Variants in FBXL18 observed in about 807,000 individuals in gnomAD.
The protein encoded by FBXL18 is F-box and leucine rich repeat protein 18, also known as F-box/LRR-repeat protein 18.
In FBXL18, 36 loss-of-function variants were observed where a neutral mutation model predicts 46.0. That is an observed-to-expected ratio of 0.78 (90% CI 0.60 to 1.03). The LOEUF is 1.03. Among genes scored for constraint, FBXL18 ranks in the 50% least tolerant of loss-of-function variants. FBXL18 has a pLI of 0.00. For synonymous variants in FBXL18, 557 were observed against 465.3 expected (o/e 1.20, Z -2.54); for missense variants, 977 against 1,004.1 (o/e 0.97, Z 0.36).
intron 4 of FBXL18, among the ~76,000 whole-genome samples, chr7:5,466,834 C>A (rs1783347574): frequency 6.6e-6 from 1 of 152,176 alleles, no homozygotes; most frequent in Non-Finnish European, 1.5e-5. Context: ...GATCCTCAAT[C>A]CCGGAGGCAG....
In FBXL18 at chr7:5,501,036, C is replaced by A. The variant is rs1204532663; in HGVS notation, c.1233G>T (p.Arg411=). ...LGRHLCQLLA[R]LRHLRSLSLP... ...GGGAGAGGGAGCGCAGGTGACGCAG[C>A]CGGGCCAGGAGCTGGCAGAGGTGGC... Residue 411 remains arginine (R), a synonymous_variant, in exon 3 of 5, where the codon CGG becomes CGT. Transcript: ENST00000382368. 2 of 1,604,766 alleles carry A rather than the reference C, an allele frequency of 1.2e-6. No individual in the cohort carries two copies. Among genetic ancestry groups the A allele is most frequent in the Non-Finnish European group, 1.7e-6 (2 of 1,177,514 alleles).
chr7:5,497,941 C>T (rs1174397210), intron 3 of FBXL18, among the ~76,000 whole-genome samples: 1 of 152,142 alleles, frequency 6.6e-6, no homozygotes, highest in African/African-American at 2.4e-5. Flanking sequence ...CAACCCACCC[C>T]ACCAGCTAAG....
At chr7:5,484,660 A>G (rs2128234432) in intron 4 of FBXL18, among the ~76,000 whole-genome samples, 2 of 138,354 alleles carry the variant, frequency 1.4e-5, no homozygotes, top group South Asian at 4.5e-4. Context: ...TTTTTTTGAG[A>G]CGCAGTCTTA....
chr7:5,482,819 T>G (rs1008008141), intron 4 of FBXL18, among the ~76,000 whole-genome samples: 2 of 152,102 alleles, frequency 1.3e-5, no homozygotes, highest in Non-Finnish European at 2.9e-5. Context: ...GAGGATTGTT[T>G]GAGGCCAGGA....
At chr7:5,511,600 C>T (rs577596485) in intron 1 of FBXL18, among the ~76,000 whole-genome samples, 44 of 148,072 alleles carry the variant, frequency 3.0e-4, no homozygotes, top group African/African-American at 9.2e-4. Context: ...GGTGAAACTC[C>T]GTCTCAAAAA....
chr7:5,509,292 T>A lies in FBXL18; in HGVS notation c.19-3662A>T, dbSNP rs376576448. On this transcript the variant is annotated intron_variant, in intron 1 of 4. Transcript: ENST00000382368. ...TCATAGAAATTACAATAATTTTTTT[T>A]AAAAAGAGAGGGAGAGACAGCAGGC... 5.1e-3 allele frequency among the ~76,000 whole-genome samples: 779 copies of A among 151,724 alleles called. 6 individuals are homozygous for A. Among genetic ancestry groups the A allele is most frequent in the Middle Eastern group, 0.017 (5 of 294 alleles).
chr7:5,499,573 A>G (rs1424931861), intron 3 of FBXL18, among the ~76,000 whole-genome samples: 1 of 151,974 alleles, frequency 6.6e-6, no homozygotes, highest in Non-Finnish European at 1.5e-5. Context: ...TACTAAAAAT[A>G]CAAAAAAATT....
chr7:5,461,958 G>T (rs1461935847), intron 4 of FBXL18, among the ~76,000 whole-genome samples: 1 of 151,612 alleles, frequency 6.6e-6, no homozygotes, highest in Non-Finnish European at 1.5e-5. Flanking sequence ...AGAAAAAAAA[G>T]AAACAAAATC....
chr7:5,471,280 C>A (rs555251225), downstream of FBXL18, among the ~76,000 whole-genome samples: 32 of 152,308 alleles, frequency 2.1e-4, no homozygotes, highest in East Asian at 5.4e-3. Context: ...AGTGCAAACC[C>A]TCGGAACACA....
chr7:5,468,892 T>G (rs1783385227), intron 4 of FBXL18, among the ~76,000 whole-genome samples: 1 of 151,876 alleles, frequency 6.6e-6, no homozygotes, highest in Admixed American at 6.6e-5. Flanking sequence ...TGAGCCAACA[T>G]GCCAGGGCCT....
Position 5,481,719 on chromosome 7 carries a change from C to T in FBXL18, c.*56G>A. On this transcript the variant is annotated 3_prime_UTR_variant, in exon 5 of 5. Transcript: ENST00000382368. Reference sequence around the variant, plus strand: ...TGACAAACCAAGGGTCCCTGGCGTCCCAGGCTCCTGCAGCTTCTCGAGGTG... The same window carrying T: ...TGACAAACCAAGGGTCCCTGGCGTCTCAGGCTCCTGCAGCTTCTCGAGGTG... 4 of 1,589,986 alleles carry T rather than the reference C, an allele frequency of 2.5e-6. No homozygotes were observed. The highest frequency in any genetic ancestry group is 3.4e-6 in the Non-Finnish European group (4 of 1,164,360).
At chr7:5,472,131 G>GA (rs35671761), downstream of FBXL18, among the ~76,000 whole-genome samples, 4 of 152,112 alleles carry the variant, frequency 2.6e-5, no homozygotes, top group Non-Finnish European at 5.9e-5. Context: ...AGGTGTGTGG[G>GA]AAAACACAAG....
chr7:5,468,157 G>C (rs1227085708), intron 4 of FBXL18, among the ~76,000 whole-genome samples: 1 of 152,008 alleles, frequency 6.6e-6, no homozygotes, highest in Non-Finnish European at 1.5e-5. Context: ...TAATTTTTCT[G>C]TATTTTTAGT....
intron 2 of FBXL18, among the ~76,000 whole-genome samples, chr7:5,503,487 G>A (rs936711339): frequency 6.6e-6 from 1 of 151,780 alleles, no homozygotes; most frequent in Non-Finnish European, 1.5e-5. Flanking sequence ...CTGAGTAGCT[G>A]GAACTACAGA....
rs1784076973 is a variant in FBXL18 at position 5,496,223 on chromosome 7, G to C, written c.1781+4265C>G. On this transcript the variant is annotated intron_variant, in intron 3 of 4. Coordinates refer to ENST00000382368, the MANE Select transcript of FBXL18 (RefSeq NM_024963.6). The surrounding 1 kb of genome is among the most constrained non-coding windows in gnomAD (Gnocchi z 4.8). The stretch of plus-strand genomic sequence containing the variant: ...TGTGTCGACACTCAGAGGTTGTTGA[G>C]AATATCAAAGGGGTCAAGACCTGTA... Among the ~76,000 whole-genome samples the C allele has an allele frequency of 6.6e-6, 1 of 152,178 alleles. No homozygotes were observed. The highest frequency in any genetic ancestry group is 1.5e-5 in the Non-Finnish European group (1 of 68,030).
intron 3 of FBXL18, among the ~76,000 whole-genome samples, chr7:5,495,135 G>A (rs930093022): frequency 1.3e-5 from 2 of 152,138 alleles, no homozygotes; most frequent in Non-Finnish European, 2.9e-5. Flanking sequence ...CCACTGCGCC[G>A]GGCCTCACCT....
intron 3 of FBXL18, among the ~76,000 whole-genome samples, chr7:5,493,089 C>T (rs1783973816): frequency 6.6e-6 from 1 of 152,128 alleles, no homozygotes; most frequent in Non-Finnish European, 1.5e-5. Context: ...AATCCCAGCC[C>T]TTCAGGAGGC....
rs554533598 is a variant in FBXL18 at position 5,458,303 on chromosome 7, G to A, written c.2001-10460C>T. Among the ~76,000 whole-genome samples, 13 of 152,292 alleles carry A rather than the reference G, an allele frequency of 8.5e-5. No individual in the cohort carries two copies. The South Asian group carries it at 1.7e-3, about 19-fold the overall frequency. ...TTTCTGGCCACCCACAGTGGCTCACGCCTGTAATCCCAGCATTTTGGGAGG... is the reference window on the plus strand; with the variant it reads ...TTTCTGGCCACCCACAGTGGCTCACACCTGTAATCCCAGCATTTTGGGAGG... On this transcript the variant is annotated intron_variant and NMD_transcript_variant, in intron 4 of 6. Transcript: ENST00000415009.
At chr7:5,474,637 CT>C (rs60313873), downstream of FBXL18, among the ~76,000 whole-genome samples, 67,577 of 150,656 alleles carry the variant, frequency 0.45, 15,580 homozygotes, top group East Asian at 0.71. Context: ...CTTTATTTTA[CT>C]TTTTTTTCTT....
Sources: gnomAD v4.1 joint callset for allele counts (sites outside exome capture counted in the v4.1 genomes callset) on GRCh38, gnomAD v4.1.1 for gene constraint, Gnocchi (gnomAD v3.1) non-coding constraint, MANE v1.5 for transcripts, NCBI Gene and HGNC (gene_info 2026-07-23, HGNC 2026-07-21) for gene names.